The following TNIK variants were observed in gnomAD, a reference collection of about 807,000 sequenced individuals.
TNIK encodes the protein TRAF2 and NCK interacting kinase.
In TNIK, 49 loss-of-function variants were observed where a neutral mutation model predicts 191.3. The observed-to-expected ratio is 0.26, with a 90% CI of 0.20 to 0.32. TNIK has a LOEUF of 0.32. Ranked by LOEUF, TNIK falls within the 10% of genes least tolerant of loss-of-function variation. The pLI is 1.00. For missense variants in TNIK, 1,155 were observed against 1,702.3 expected (o/e 0.68, Z 5.66); for synonymous variants, 594 against 600.9 (o/e 0.99, Z 0.17).
At position 171,106,801 on chromosome 3, in the gene TNIK, G is replaced by A. The variant is rs147158407; in HGVS notation, c.2406+382C>T. 263 of 534,456 alleles carry A rather than the reference G, an allele frequency of 4.9e-4. 1 individual carries two copies. Among genetic ancestry groups the A allele is most frequent in the African/African-American group, 4.0e-3 (210 of 52,356 alleles). 33.1% of individuals were successfully genotyped at this position (534,456 alleles called of 1,614,324 possible). A position where few individuals can be genotyped will look rare whatever the true frequency, so the allele number is the denominator to read the frequency against. On this transcript the variant is annotated intron_variant, in intron 21 of 32. Transcript: ENST00000436636. ...ACAAATCACACACTCTAAATTTGGA[G>A]TGTCCTAGAATGATGTCTCTTTTCT... is the stretch of plus-strand genomic sequence containing the variant.
At chr3:171,210,996 C>T in intron 4 of TNIK, 120 bp downstream of exon 4, 1 of 1,271,948 alleles carries the variant, frequency 7.9e-7, no homozygotes, top group Non-Finnish European at 1.1e-6. Context: ...TTACGGACAT[C>T]ATGGGGGCTA....
rs1224594371 is a variant in TNIK, at chr3:171,211,270, C to A, written c.181-29G>T. On this transcript the variant is annotated intron_variant, in intron 3 of 32. Coordinates refer to ENST00000436636, the MANE Select transcript of TNIK (RefSeq NM_015028.4). ...TATGAGAACAATATAAAAATTCTGT[C>A]ATGAAAATCTATGGTTGTTAGTAGG... 2.5e-6 allele frequency: 4 copies of A among 1,572,394 alleles called. No individual in the cohort carries two copies. In the African/African-American group the frequency reaches 5.5e-5, roughly 21 times the overall value.
chr3:171,182,572 A>C (rs935207061), intron 7 of TNIK, among the ~76,000 whole-genome samples: 1 of 152,184 alleles, frequency 6.6e-6, no homozygotes, highest in African/African-American at 2.4e-5. Flanking sequence ...TTAATACCCT[A>C]GCGCTATGTG....
At chr3:171,294,678 G>A (rs559715836) in intron 2 of TNIK, among the ~76,000 whole-genome samples, 13 of 152,170 alleles carry the variant, frequency 8.5e-5, no homozygotes, top group Non-Finnish European at 1.0e-4. Context: ...CCAGGATTGC[G>A]CCATTGCACT....
At chr3:171,328,369 A>G (rs768494368) in intron 2 of TNIK, among the ~76,000 whole-genome samples, 39 of 152,176 alleles carry the variant, frequency 2.6e-4, no homozygotes, top group Non-Finnish European at 7.4e-5. Flanking sequence ...TTTTTGTTGC[A>G]GCAGCCCAGA....
rs114602690 is a variant in TNIK, at chr3:171,332,824, C to T, written c.123+36796G>A. Among the ~76,000 whole-genome samples the T allele has an allele frequency of 7.7e-3, 1,170 of 152,222 alleles. 5 individuals carry two copies. Among genetic ancestry groups the T allele is most frequent in the Non-Finnish European group, 0.012 (786 of 68,008 alleles). On this transcript the variant is annotated intron_variant, in intron 2 of 32. Transcript: ENST00000436636. ...TGTTATATTTGGCCGGAGATTATTCCCAGCAAAGGAAACACAAAGATGCTT... is the reference window on the plus strand; with the variant it reads ...TGTTATATTTGGCCGGAGATTATTCTCAGCAAAGGAAACACAAAGATGCTT...
rs544204607 is a variant in TNIK, at chr3:171,131,028, T to A, written c.1609-2150A>T. 2.7e-5 allele frequency among the ~76,000 whole-genome samples: 4 copies of A among 147,768 alleles called. No homozygotes were observed. In the East Asian group the frequency reaches 6.4e-4, roughly 24 times the overall value. On this transcript the variant is annotated intron_variant, in intron 15 of 32. Coordinates refer to ENST00000436636, the MANE Select transcript of TNIK (RefSeq NM_015028.4). ...CAGCAACAAGGCCCCAGTCTAAGCA[T>A]CCCTGCTGCTAATAGGATCACAGGC... is the stretch of plus-strand genomic sequence containing the variant.
At chr3:171,282,334 G>GT (rs201489240) in intron 2 of TNIK, among the ~76,000 whole-genome samples, 6,095 of 113,638 alleles carry the variant, frequency 0.054, 701 homozygotes, top group Middle Eastern at 0.074. Flanking sequence ...TCTCTTAATG[G>GT]TTTTTTGTTT....
chr3:171,383,934 C>T (rs763779937), intron 1 of TNIK, among the ~76,000 whole-genome samples: 2 of 152,194 alleles, frequency 1.3e-5, no homozygotes, highest in Non-Finnish European at 2.9e-5. Context: ...GTCTACTCTG[C>T]TCTCCCATCC....
chr3:171,080,485 G>A (rs1021415538), intron 27 of TNIK, among the ~76,000 whole-genome samples: 11 of 151,586 alleles, frequency 7.3e-5, no homozygotes, highest in Admixed American at 6.6e-4. Context: ...CGCCAAGGCC[G>A]GAGTCCAGTG....
Position 171,369,606 on chromosome 3 carries a change from C to T in TNIK, c.123+14G>A, listed in dbSNP as rs1202424004. ...AAACCGTACATAAGCCACTCTCAGA[C>T]TCAATGTACTTACCTTATAAACTTG... is the stretch of plus-strand genomic sequence containing the variant. On this transcript the variant is annotated intron_variant, in intron 2 of 32. Transcript: ENST00000436636. 2.2e-5 allele frequency: 34 copies of T among 1,565,504 alleles called. No individual in the cohort carries two copies. Among genetic ancestry groups the T allele is most frequent in the Non-Finnish European group, 2.9e-5 (33 of 1,153,538 alleles).
At chr3:171,394,497 A>G (rs1246431337) in intron 1 of TNIK, among the ~76,000 whole-genome samples, 1 of 152,164 alleles carries the variant, frequency 6.6e-6, no homozygotes, top group Non-Finnish European at 1.5e-5. Flanking sequence ...AAAGACCAAG[A>G]TCTCCACAAA....
chr3:171,439,606 T>A (rs935910181), intron 1 of TNIK: 31 of 152,216 alleles, frequency 2.0e-4, no homozygotes, highest in African/African-American at 7.0e-4. Flanking sequence ...CATCTCCCAC[T>A]GCTTCAATCG....
intron 22 of TNIK, among the ~76,000 whole-genome samples, chr3:171,097,663 C>T (rs1560104134): frequency 6.6e-6 from 1 of 152,232 alleles, no homozygotes; most frequent in Admixed American, 6.5e-5. Context: ...CCTCATTCAC[C>T]TTCCACCATG....
At chr3:171,310,633 C>T in intron 2 of TNIK, among the ~76,000 whole-genome samples, 1 of 151,082 alleles carries the variant, frequency 6.6e-6, no homozygotes, top group Non-Finnish European at 1.5e-5. Context: ...CATTTGTTTC[C>T]CTCCCCTCAA....
At position 171,063,680 on chromosome 3, in the gene TNIK, C is replaced by G. The variant is rs1439778307; in HGVS notation, c.*201G>C. 8 of 486,124 alleles carry G rather than the reference C, an allele frequency of 1.6e-5. No homozygotes were observed. The East Asian group carries it at 2.5e-4, about 15-fold the overall frequency. The allele number at this position is 486,124 out of a possible 1,614,324, so 30.1% of individuals were successfully genotyped here. ...TTGGGGATCTCCTGGAAATTCCTGC[C>G]ACCTTTTTCTCTCCTTCTCAACCAG... On this transcript the variant is annotated 3_prime_UTR_variant, in exon 33 of 33. Transcript: ENST00000436636.
intron 5 of TNIK, among the ~76,000 whole-genome samples, chr3:171,193,944 G>A (rs185404664): frequency 6.6e-6 from 1 of 152,146 alleles, no homozygotes; most frequent in African/African-American, 2.4e-5. Flanking sequence ...TGGGAAAACT[G>A]GGCAAACAGG....
At chr3:171,411,131 T>C (rs1722358306) in intron 1 of TNIK, among the ~76,000 whole-genome samples, 1 of 151,900 alleles carries the variant, frequency 6.6e-6, no homozygotes, top group Non-Finnish European at 1.5e-5. Context: ...TGCAGTGGCA[T>C]GATATAGCTC....
rs995817010 is a variant in TNIK, at chr3:171,329,349, T to C, written c.123+40271A>G. 7.9e-5 allele frequency among the ~76,000 whole-genome samples: 11 copies of C among 139,972 alleles called. No homozygotes were observed. In the East Asian group the frequency reaches 2.3e-3, roughly 29 times the overall value. The allele number at this position is 139,972 out of a possible 152,430, so 91.8% of individuals were successfully genotyped here. Reference sequence around the variant, plus strand: ...TTACTTCAGTTTAATTATTTCCCACTAATATATATCAAAAATATATATTTT... The same window carrying C: ...TTACTTCAGTTTAATTATTTCCCACCAATATATATCAAAAATATATATTTT... On this transcript the variant is annotated intron_variant, in intron 2 of 32. Transcript: ENST00000436636.
Sources: gnomAD v4.1 joint callset for allele counts (sites outside exome capture counted in the v4.1 genomes callset) on GRCh38, gnomAD v4.1.1 for gene constraint, MANE v1.5 for transcripts, NCBI Gene and HGNC (gene_info 2026-07-23, HGNC 2026-07-21) for gene names.